The following ATXN10 variants were observed in gnomAD, a reference collection of about 807,000 sequenced individuals.
ATXN10 encodes the protein ataxin 10, also known as ataxin-10.
In ATXN10, 28 loss-of-function variants were observed where a neutral mutation model predicts 52.9. The observed-to-expected ratio is 0.53, with a 90% CI of 0.39 to 0.73. ATXN10 has a LOEUF of 0.73. Among genes scored for constraint, ATXN10 ranks in the 30% least tolerant of loss-of-function variants. The pLI, the probability that ATXN10 is intolerant of heterozygous loss-of-function variation, is 0.00. For synonymous variants in ATXN10, 226 were observed against 221.5 expected (o/e 1.02, Z -0.18); for missense variants, 565 against 577.0 (o/e 0.98, Z 0.21).
Position 45,786,334 on chromosome 22 carries a change from G to T in ATXN10, c.1174-20625G>T, listed in dbSNP as rs958120673. On this transcript the variant is annotated intron_variant, in intron 9 of 11. Transcript: ENST00000252934. The surrounding 1 kb of genome is among the most constrained non-coding windows in gnomAD (Gnocchi z 4.1). ...TATTGAGTTTTGCCATAGAACTGTA[G>T]TATCATTCTCTCTGGATTCCTTTCT... Among the ~76,000 whole-genome samples, 4 of 152,216 alleles carry T rather than the reference G, an allele frequency of 2.6e-5. No individual in the cohort carries two copies. Among genetic ancestry groups the T allele is most frequent in the South Asian group, 4.1e-4 (2 of 4,822 alleles).
chr22:45,747,199 G>C (rs908729857), intron 9 of ATXN10, among the ~76,000 whole-genome samples: 2 of 152,126 alleles, frequency 1.3e-5, no homozygotes, highest in Non-Finnish European at 2.9e-5. Context: ...ATTCCAGGCA[G>C]GGTATTGAAA....
In ATXN10 at chr22:45,837,940, C is replaced by T. The variant is rs767169248; in HGVS notation, c.1238-5051C>T. ...CTGTTCTTAGCAGTCTTCTAAACAC[C>T]GACAGAGCAGTGACCAGAACAGAGT... On this transcript the variant is annotated intron_variant, in intron 10 of 11. Transcript: ENST00000252934. The surrounding 1 kb of genome is among the most constrained non-coding windows in gnomAD (Gnocchi z 5.8). Among the ~76,000 whole-genome samples, 10 of 152,192 alleles carry T rather than the reference C, an allele frequency of 6.6e-5. No individual in the cohort carries two copies. Among genetic ancestry groups the T allele is most frequent in the Non-Finnish European group, 1.3e-4 (9 of 68,042 alleles).
chr22:45,753,417 T>C (rs1382544923), intron 9 of ATXN10, among the ~76,000 whole-genome samples: 3 of 74,960 alleles, frequency 4.0e-5, no homozygotes, highest in African/African-American at 1.3e-4. Flanking sequence ...TTTTTTTTTT[T>C]TTTTTTTTGA....
intron 9 of ATXN10, among the ~76,000 whole-genome samples, chr22:45,794,466 G>A (rs1386701673): frequency 6.7e-6 from 1 of 148,500 alleles, no homozygotes; most frequent in Admixed American, 6.7e-5. Context: ...AAAAAAGGAT[G>A]TCTCTTTTTT....
chr22:45,836,451 C>T (rs903442639), intron 10 of ATXN10, among the ~76,000 whole-genome samples: 3 of 152,224 alleles, frequency 2.0e-5, no homozygotes, highest in African/African-American at 7.2e-5. Flanking sequence ...CAGCACCCTG[C>T]GAGCGGGAGC....
chr22:45,747,214 C>G (rs915536747), intron 9 of ATXN10, among the ~76,000 whole-genome samples: 2 of 152,076 alleles, frequency 1.3e-5, no homozygotes, highest in African/African-American at 4.8e-5. Flanking sequence ...TTGAAAATGT[C>G]TGGGGGGCCG....
chr22:45,830,278 A>G (rs1042193228), intron 10 of ATXN10, among the ~76,000 whole-genome samples: 3 of 152,230 alleles, frequency 2.0e-5, no homozygotes, highest in African/African-American at 7.2e-5. Context: ...TTCACATGAC[A>G]TTGGATTTGG....
rs768752168 is a variant in ATXN10 at position 45,678,193 on chromosome 22, A to T, written c.116+6014A>T. 3.3e-5 allele frequency: 5 copies of T among 152,184 alleles called. No homozygotes were observed. The highest frequency in any genetic ancestry group is 6.5e-5 in the Admixed American group (1 of 15,280). 9.4% of individuals were successfully genotyped at this position (152,184 alleles called of 1,614,324 possible). ...TTGTGAATATAATTAAAGCCATTGA[A>T]CTGTAGACTTAAAATGAACAACATG... On this transcript the variant is annotated intron_variant, in intron 1 of 11. Transcript: ENST00000252934. The surrounding 1 kb of genome is among the most constrained non-coding windows in gnomAD (Gnocchi z 4.1).
intron 5 of ATXN10, among the ~76,000 whole-genome samples, chr22:45,717,915 C>CT (rs1340000198): frequency 6.6e-6 from 1 of 152,094 alleles, no homozygotes; most frequent in African/African-American, 2.4e-5. Flanking sequence ...AAGTTGATCT[C>CT]TTAAGTTTAG....
chr22:45,698,776 G>GTTGGAATTCAGCAATGAAA (rs1457999058), intron 3 of ATXN10, among the ~76,000 whole-genome samples: 1 of 152,190 alleles, frequency 6.6e-6, no homozygotes, highest in East Asian at 1.9e-4. Flanking sequence ...CCGAATTTTA[G>GTTGGAATTCAGCAATGAAA]TTGGAATTCA....
Position 45,671,895 on chromosome 22 carries a change from G to A in ATXN10, c.-169G>A. The A allele has an allele frequency of 8.6e-6, 6 of 693,896 alleles. No homozygotes were observed. Among genetic ancestry groups the A allele is most frequent in the Admixed American group, 3.2e-5 (1 of 31,490 alleles). The allele number at this position is 693,896 out of a possible 1,614,324, so 43.0% of individuals were successfully genotyped here. ...CAGCCTAGAGCTCTCCGGCGGCGGC[G>A]CAGCTTCAGGGCAGCGCGGGCTGCA... On this transcript the variant is annotated 5_prime_UTR_variant, in exon 1 of 12. Coordinates refer to ENST00000252934, the MANE Select transcript of ATXN10 (RefSeq NM_013236.4).
chr22:45,812,940 G>T (rs1235573907), intron 10 of ATXN10, among the ~76,000 whole-genome samples: 1 of 152,186 alleles, frequency 6.6e-6, no homozygotes, highest in Non-Finnish European at 1.5e-5. Flanking sequence ...GTAGGGGATG[G>T]GGCTGGAAGG....
At chr22:45,697,335 A>C (rs1024727339) in intron 3 of ATXN10, among the ~76,000 whole-genome samples, 1 of 151,910 alleles carries the variant, frequency 6.6e-6, no homozygotes, top group Admixed American at 6.6e-5. Flanking sequence ...GAGTTTCACC[A>C]CATTGGCCAG....
At chr22:45,778,103 T>G (rs748126415) in intron 9 of ATXN10, among the ~76,000 whole-genome samples, 2 of 152,226 alleles carry the variant, frequency 1.3e-5, no homozygotes, top group African/African-American at 2.4e-5. Context: ...TCTTAACTAT[T>G]TATTTTCTAG....
chr22:45,703,844 A>T (rs765060692), intron 5 of ATXN10: 1 of 152,244 alleles, frequency 6.6e-6, no homozygotes, highest in African/African-American at 2.4e-5. Flanking sequence ...CACCAAACTC[A>T]TTAGAACCTG....
At position 45,772,207 on chromosome 22, in the gene ATXN10, G is replaced by A. The variant is rs777898328; in HGVS notation, c.1173+31669G>A. On this transcript the variant is annotated intron_variant, in intron 9 of 11. Transcript: ENST00000252934. The surrounding 1 kb of genome is among the most constrained non-coding windows in gnomAD (Gnocchi z 4.1). ...TCTTCCTAAAATTTTGTAGTTTTAT[G>A]TTTTGTGTTTAGATCTAGGATCCAT... is the stretch of plus-strand genomic sequence containing the variant. 6.6e-5 allele frequency among the ~76,000 whole-genome samples: 10 copies of A among 152,030 alleles called. No individual in the cohort carries two copies. The highest frequency in any genetic ancestry group is 1.0e-4 in the Non-Finnish European group (7 of 68,002).
chr22:45,749,222 G>A lies in ATXN10; in HGVS notation c.1173+8684G>A, dbSNP rs554823282. 2.6e-5 allele frequency among the ~76,000 whole-genome samples: 4 copies of A among 152,254 alleles called. No homozygotes were observed. The South Asian group carries it at 6.2e-4, about 24-fold the overall frequency. ...CATCATATTTGGCTTAACACCTGCC[G>A]TAACACTGGGTACATAGTGTAGTGA... On this transcript the variant is annotated intron_variant, in intron 9 of 11. Coordinates refer to ENST00000252934, the MANE Select transcript of ATXN10 (RefSeq NM_013236.4).
intron 9 of ATXN10, among the ~76,000 whole-genome samples, chr22:45,803,647 T>G (rs1928001499): frequency 6.6e-6 from 1 of 152,170 alleles, no homozygotes; most frequent in Non-Finnish European, 1.5e-5. Context: ...CTCCTTATCT[T>G]CATCCCAATA....
chr22:45,734,870 T>C (rs1014271365), intron 7 of ATXN10, among the ~76,000 whole-genome samples: 1 of 25,644 alleles, frequency 3.9e-5, no homozygotes, highest in African/African-American at 3.2e-4. Flanking sequence ...AAATGGGTTA[T>C]ATTATTATTA....
Sources: gnomAD v4.1 joint callset for allele counts (sites outside exome capture counted in the v4.1 genomes callset) on GRCh38, gnomAD v4.1.1 for gene constraint, Gnocchi (gnomAD v3.1) non-coding constraint, MANE v1.5 for transcripts, NCBI Gene and HGNC (gene_info 2026-07-23, HGNC 2026-07-21) for gene names.